DPYD: variants seen among roughly 807,000 people sequenced by gnomAD.
DPYD encodes dihydropyrimidine dehydrogenase.
A neutral mutation model predicts 116.2 loss-of-function variants in DPYD; 109 were observed. The observed-to-expected ratio is 0.94, with a 90% CI of 0.80 to 1.10. The LOEUF is 1.10. DPYD is among the 50% of genes least tolerant of loss of function. DPYD has a pLI of 0.00. For synonymous variants in DPYD, 440 were observed against 432.0 expected (o/e 1.02, Z -0.23); for missense variants, 1,302 against 1,254.5 (o/e 1.04, Z -0.57).
intron 2 of DPYD, among the ~76,000 whole-genome samples, chr1:97,879,104 G>T (rs1396123704): frequency 6.6e-6 from 1 of 151,942 alleles, no homozygotes; most frequent in Non-Finnish European, 1.5e-5. Flanking sequence ...CCATTCAGTT[G>T]TGGAACTGTG....
chr1:97,898,959 A>G (rs950391758), intron 1 of DPYD, among the ~76,000 whole-genome samples: 3 of 151,896 alleles, frequency 2.0e-5, no homozygotes, highest in African/African-American at 7.2e-5. Context: ...ATCCAGTTTC[A>G]GGTATGTCTT....
intron 8 of DPYD, among the ~76,000 whole-genome samples, chr1:97,595,710 A>C (rs930090734): frequency 6.6e-6 from 1 of 151,896 alleles, no homozygotes; most frequent in African/African-American, 2.4e-5. Flanking sequence ...AGATGTTTTA[A>C]TAATTAAATG....
intron 14 of DPYD, among the ~76,000 whole-genome samples, chr1:97,420,687 C>A (rs1674533997): frequency 6.6e-6 from 1 of 152,136 alleles, no homozygotes; most frequent in Admixed American, 6.6e-5. Context: ...CATCTGTATT[C>A]AGCACTCAGG....
chr1:97,372,688 G>T (rs1002601645), intron 16 of DPYD, among the ~76,000 whole-genome samples: 11 of 151,730 alleles, frequency 7.2e-5, no homozygotes, highest in South Asian at 2.1e-4. Context: ...AGAAATGTTT[G>T]CCCTCCCAAA....
intron 14 of DPYD, among the ~76,000 whole-genome samples, chr1:97,430,158 T>C (rs1329443468): frequency 6.6e-6 from 1 of 152,166 alleles, no homozygotes; most frequent in Admixed American, 6.6e-5. Context: ...CTACTATCAT[T>C]AAGACTGTCC....
chr1:97,410,798 T>C (rs963314250), intron 14 of DPYD, among the ~76,000 whole-genome samples: 25 of 152,196 alleles, frequency 1.6e-4, no homozygotes, highest in African/African-American at 5.3e-4. Flanking sequence ...TTCACCAATA[T>C]GTAACATCAC....
intron 3 of DPYD, among the ~76,000 whole-genome samples, chr1:97,750,529 C>A (rs74108304): frequency 6.6e-6 from 1 of 151,980 alleles, no homozygotes; most frequent in Non-Finnish European, 1.5e-5. Context: ...TTATTAAAAA[C>A]AAGACATAGA....
intron 16 of DPYD, among the ~76,000 whole-genome samples, chr1:97,348,054 A>G (rs1213473187): frequency 1.3e-5 from 2 of 152,266 alleles, no homozygotes; most frequent in East Asian, 1.9e-4. Context: ...TTTTGCTTGT[A>G]CAGTATATTC....
chr1:97,702,829 A>C (rs957496987), intron 5 of DPYD, among the ~76,000 whole-genome samples: 1 of 152,004 alleles, frequency 6.6e-6, no homozygotes, highest in African/African-American at 2.4e-5. Context: ...TTGAATAAAA[A>C]TTTAAGCCTT....
intron 11 of DPYD, among the ~76,000 whole-genome samples, chr1:97,561,701 G>A (rs1334703431): frequency 6.6e-6 from 1 of 152,142 alleles, no homozygotes; most frequent in East Asian, 1.9e-4. Flanking sequence ...TCATGAATTA[G>A]CAATGATATG....
At chr1:97,801,761 A>C (rs1667857473) in intron 3 of DPYD, among the ~76,000 whole-genome samples, 1 of 151,824 alleles carries the variant, frequency 6.6e-6, no homozygotes, top group African/African-American at 2.4e-5. Flanking sequence ...GTATTCTGTG[A>C]AACTGTTTTA....
intron 10 of DPYD, among the ~76,000 whole-genome samples, chr1:97,582,710 C>T (rs1194000823): frequency 6.6e-6 from 1 of 152,162 alleles, no homozygotes; most frequent in Non-Finnish European, 1.5e-5. Flanking sequence ...GCTTCATTCA[C>T]ATATAGAATG....
chr1:97,589,038 T>C (rs1407128824), intron 10 of DPYD, among the ~76,000 whole-genome samples: 1 of 152,138 alleles, frequency 6.6e-6, no homozygotes, highest in Non-Finnish European at 1.5e-5. Context: ...CCAGACTTAC[T>C]GAATCAGCAA....
At chr1:97,519,026 A>C (rs989968017) in intron 12 of DPYD, among the ~76,000 whole-genome samples, 21 of 152,166 alleles carry the variant, frequency 1.4e-4, no homozygotes, top group Non-Finnish European at 2.9e-4. Context: ...AGGGTTTTAG[A>C]TGACCTTTAA....
intron 20 of DPYD, among the ~76,000 whole-genome samples, chr1:97,168,930 T>C (rs902263574): frequency 1.3e-5 from 2 of 150,798 alleles, no homozygotes; most frequent in Non-Finnish European, 1.5e-5. Context: ...CACTGCAACC[T>C]CCACCTCACA....
At position 97,517,698 on chromosome 1, in the gene DPYD, G is replaced by T. The variant is rs1648330992; in HGVS notation, c.1525-1757C>A. Among the ~76,000 whole-genome samples the T allele has an allele frequency of 2.6e-5, 4 of 152,024 alleles. No homozygotes were observed. In the South Asian group the frequency reaches 8.3e-4, roughly 32 times the overall value. ...TAAATTCAATCAAGCAAGTTTTAGGGTTAGACTAAAGAAGAATTTCCTGAC... is the reference window on the plus strand; with the variant it reads ...TAAATTCAATCAAGCAAGTTTTAGGTTTAGACTAAAGAAGAATTTCCTGAC... On this transcript the variant is annotated intron_variant, in intron 12 of 22. Coordinates refer to ENST00000370192, the MANE Select transcript of DPYD (RefSeq NM_000110.4).
chr1:97,443,694 G>A (rs1675925336), intron 14 of DPYD, among the ~76,000 whole-genome samples: 1 of 152,184 alleles, frequency 6.6e-6, no homozygotes, highest in Non-Finnish European at 1.5e-5. Flanking sequence ...TAATTATCTT[G>A]CACTAGCCAT....
intron 21 of DPYD, among the ~76,000 whole-genome samples, chr1:97,089,766 T>C (rs1158658107): frequency 6.6e-6 from 1 of 150,892 alleles, no homozygotes; most frequent in Non-Finnish European, 1.5e-5. Flanking sequence ...TGCCAGGCTG[T>C]CCCCAGGGCC....
intron 2 of DPYD, among the ~76,000 whole-genome samples, chr1:97,869,016 C>T (rs1011262954): frequency 2.5e-4 from 38 of 151,996 alleles, no homozygotes; most frequent in South Asian, 1.5e-3. Context: ...CTATGACTGC[C>T]TCTATCTTCT....
Sources: allele counts gnomAD v4.1 joint callset (sites outside exome capture counted in the v4.1 genomes callset), GRCh38; gene constraint gnomAD v4.1.1; transcripts MANE v1.5; gene names NCBI Gene and HGNC (gene_info 2026-07-23, HGNC 2026-07-21).